Variants in RXFP2 observed in about 807,000 individuals in gnomAD.
RXFP2 encodes relaxin family peptide receptor 2.
Under a neutral mutation model 88.6 loss-of-function variants are expected in RXFP2, and 68 were observed. That is an observed-to-expected ratio of 0.77 (90% CI 0.63 to 0.94). RXFP2 has a LOEUF of 0.94. Ranked by LOEUF, RXFP2 falls within the 40% of genes least tolerant of loss-of-function variation. The pLI is 0.00. For synonymous variants in RXFP2, 329 were observed against 306.8 expected (o/e 1.07, Z -0.76); for missense variants, 791 against 893.9 (o/e 0.88, Z 1.47).
intron 17 of RXFP2, among the ~76,000 whole-genome samples, chr13:31,800,679 G>A (rs1238219758): frequency 2.6e-5 from 4 of 152,302 alleles, no homozygotes; most frequent in South Asian, 2.1e-4. Context: ...TGGAACTTAC[G>A]TGGCCTATTT....
In RXFP2 at chr13:31,772,854, G is replaced by A. The variant is rs544235469; in HGVS notation, c.498-1766G>A. Among the ~76,000 whole-genome samples the A allele has an allele frequency of 3.3e-5, 5 of 152,280 alleles. No homozygotes were observed. In the South Asian group the frequency reaches 1.0e-3, roughly 32 times the overall value. On this transcript the variant is annotated intron_variant, in intron 5 of 17. Transcript: ENST00000298386. ...TTGACTTATAAGACAAAAGCGTAAGGTCAAATTCACAATTTGCAACTGCAT... is the reference window on the plus strand; with the variant it reads ...TTGACTTATAAGACAAAAGCGTAAGATCAAATTCACAATTTGCAACTGCAT...
In RXFP2 at chr13:31,781,693, A is replaced by C. The variant is rs748376436; in HGVS notation, c.808A>C (p.Lys270Gln). 3 of 1,612,160 alleles carry C rather than the reference A, an allele frequency of 1.9e-6. 1 individual carries two copies. The highest frequency in any genetic ancestry group is 2.2e-5 in the South Asian group (2 of 90,988). ...CAGGGATTTGGAAGGCAATAGAATA[A>C]AGTATCTCACAAATTCTACGTTTCT... is the stretch of plus-strand genomic sequence containing the variant. ...NWVDLEGNRIKYLTNSTFLSC... is the reference protein window; with the variant it reads ...NWVDLEGNRIQYLTNSTFLSC... The change falls in exon 10 of 18, where the codon AAG (lysine) becomes CAG (glutamine). Residue 270 changes from lysine to glutamine, a missense_variant. Coordinates refer to ENST00000298386, the MANE Select transcript of RXFP2 (RefSeq NM_130806.5).
chr13:31,793,412 C>G (rs1873886339), intron 16 of RXFP2, among the ~76,000 whole-genome samples: 1 of 149,362 alleles, frequency 6.7e-6, no homozygotes, highest in African/African-American at 2.4e-5. Context: ...TCCTGTAAAC[C>G]TACCAAGTTA....
rs1872310521 is a variant in RXFP2 at position 31,761,719 on chromosome 13, C to T, written c.242-5C>T. ...AAGTGACACATCTCAATCACTATTTCACAGGTGACACTAGTGGATGGGCGA... is the reference window on the plus strand; with the variant it reads ...AAGTGACACATCTCAATCACTATTTTACAGGTGACACTAGTGGATGGGCGA... On this transcript the variant is annotated splice_region_variant and splice_polypyrimidine_tract_variant and intron_variant, in intron 2 of 17. Transcript: ENST00000298386. 10 of 1,597,100 alleles carry T rather than the reference C, an allele frequency of 6.3e-6. No individual in the cohort carries two copies. The highest frequency in any genetic ancestry group is 1.1e-5 in the South Asian group (1 of 90,750).
chr13:31,796,167 A>T (rs1278722298), intron 16 of RXFP2, among the ~76,000 whole-genome samples: 1 of 143,360 alleles, frequency 7.0e-6, no homozygotes, highest in Non-Finnish European at 1.5e-5. Context: ...CTCCTGCCTC[A>T]GCCTCCCGAG....
At chr13:31,769,890 C>T (rs1872675333) in intron 5 of RXFP2, among the ~76,000 whole-genome samples, 1 of 152,158 alleles carries the variant, frequency 6.6e-6, no homozygotes, top group South Asian at 2.1e-4. Flanking sequence ...ATAGTCACTA[C>T]TCCTCTCATA....
chr13:31,750,085 T>G (rs559679954), intron 1 of RXFP2, among the ~76,000 whole-genome samples: 1 of 152,198 alleles, frequency 6.6e-6, no homozygotes, highest in Non-Finnish European at 1.5e-5. Flanking sequence ...GAGCCTCTCA[T>G]AAACGGAGTT....
At chr13:31,759,418 A>AAAGAAAG (rs1872175841) in intron 2 of RXFP2, among the ~76,000 whole-genome samples, 3 of 150,784 alleles carry the variant, frequency 2.0e-5, no homozygotes, top group Admixed American at 6.6e-5. Context: ...AGAAAGAAAG[A>AAAGAAAG]AAGAAAGAAA....
intron 7 of RXFP2, 140 bp from the exon 8 acceptor site, chr13:31,777,236 G>A (rs528790567): frequency 2.0e-5 from 13 of 654,028 alleles, no homozygotes; most frequent in East Asian, 1.4e-4. Context: ...AACCACAGAC[G>A]GAAGGAAAAG....
intron 1 of RXFP2, among the ~76,000 whole-genome samples, chr13:31,753,993 A>T (rs1336492168): frequency 5.3e-5 from 8 of 152,174 alleles, no homozygotes; most frequent in Non-Finnish European, 1.2e-4. Context: ...CTTCAGGAAG[A>T]TGCCACTCTG....
chr13:31,784,601 C>T lies in RXFP2; in HGVS notation c.930-1782C>T, dbSNP rs141622987. 6.6e-5 allele frequency among the ~76,000 whole-genome samples: 10 copies of T among 152,242 alleles called. No homozygotes were observed. The East Asian group carries it at 1.7e-3, about 27-fold the overall frequency. On this transcript the variant is annotated intron_variant, in intron 11 of 17. Coordinates refer to ENST00000298386, the MANE Select transcript of RXFP2 (RefSeq NM_130806.5). ...GTGCACCTGTGGTCTCCCTTCTGGG[C>T]TGAGATCTAGGTGTGCTCCTCTCAT...
intron 11 of RXFP2, among the ~76,000 whole-genome samples, chr13:31,785,312 AC>A (rs1459943604): frequency 1.3e-5 from 2 of 151,914 alleles, no homozygotes; most frequent in African/African-American, 4.8e-5. Flanking sequence ...ACCTCTCCCT[AC>A]ATCTTGCATC....
intron 5 of RXFP2, among the ~76,000 whole-genome samples, chr13:31,770,633 C>T (rs911495315): frequency 1.3e-5 from 2 of 152,218 alleles, no homozygotes; most frequent in Admixed American, 6.5e-5. Context: ...CAAACTGAGA[C>T]TTTCCTTGAC....
At chr13:31,752,884 G>A (rs1412018158) in intron 1 of RXFP2, among the ~76,000 whole-genome samples, 1 of 152,168 alleles carries the variant, frequency 6.6e-6, no homozygotes, top group Non-Finnish European at 1.5e-5. Flanking sequence ...CACATAGTAG[G>A]CACTTAGTTA....
chr13:31,790,818 G>A (rs1873756444), intron 14 of RXFP2, among the ~76,000 whole-genome samples: 1 of 129,842 alleles, frequency 7.7e-6, no homozygotes, highest in African/African-American at 2.8e-5. Context: ...AAGCAGCCCT[G>A]GCAGTATCCA....
chr13:31,799,787 G>A (rs1407828402), intron 17 of RXFP2, among the ~76,000 whole-genome samples: 3 of 152,138 alleles, frequency 2.0e-5, no homozygotes, highest in African/African-American at 7.2e-5. Context: ...AGGACGTCCA[G>A]TTCTGGAGGC....
chr13:31,747,223 C>T (rs374491970), intron 1 of RXFP2, among the ~76,000 whole-genome samples: 4 of 152,132 alleles, frequency 2.6e-5, no homozygotes, highest in African/African-American at 9.6e-5. Context: ...TGCTGTGACC[C>T]GATTCTCAAA....
At position 31,773,958 on chromosome 13, in the gene RXFP2, G is replaced by A. The variant is rs570269834; in HGVS notation, c.498-662G>A. On this transcript the variant is annotated intron_variant, in intron 5 of 17. Coordinates refer to ENST00000298386, the MANE Select transcript of RXFP2 (RefSeq NM_130806.5). ...CAGAGCTAACTTCCCATTGTACAATGAAGACAGCAAATGGAAATTATTTAC... is the reference window on the plus strand; with the variant it reads ...CAGAGCTAACTTCCCATTGTACAATAAAGACAGCAAATGGAAATTATTTAC... Among the ~76,000 whole-genome samples the A allele has an allele frequency of 3.3e-5, 5 of 152,286 alleles. No homozygotes were observed. The South Asian group carries it at 1.0e-3, about 32-fold the overall frequency.
At chr13:31,759,239 G>A (rs1029731384) in intron 2 of RXFP2, among the ~76,000 whole-genome samples, 4 of 151,116 alleles carry the variant, frequency 2.6e-5, no homozygotes, top group African/African-American at 9.7e-5. Flanking sequence ...TGATAAACCT[G>A]TATGTAAAAA....
Sources: gnomAD v4.1 joint callset for allele counts (sites outside exome capture counted in the v4.1 genomes callset) on GRCh38, gnomAD v4.1.1 for gene constraint, MANE v1.5 for transcripts, NCBI Gene and HGNC (gene_info 2026-07-23, HGNC 2026-07-21) for gene names.